DYNC1I1: variants seen among roughly 807,000 people sequenced by gnomAD.
DYNC1I1 encodes the protein dynein cytoplasmic 1 intermediate chain 1.
Under a neutral mutation model 86.6 loss-of-function variants are expected in DYNC1I1, and 43 were observed. The observed-to-expected ratio is 0.50, with a 90% CI of 0.39 to 0.64. DYNC1I1 has a LOEUF of 0.64. DYNC1I1 is among the 30% of genes least tolerant of loss of function. DYNC1I1 has a pLI of 0.00. For missense variants in DYNC1I1, 604 were observed against 788.8 expected, an observed-to-expected ratio of 0.77 and a Z score of 2.81; for synonymous variants, 262 against 283.7, an observed-to-expected ratio of 0.92 and a Z score of 0.77.
intron 5 of DYNC1I1, among the ~76,000 whole-genome samples, chr7:95,834,939 T>G (rs1200460476): frequency 1.3e-5 from 2 of 151,414 alleles, no homozygotes; most frequent in Non-Finnish European, 2.9e-5. Context: ...GATTCATTAA[T>G]TTTTTGAAGG....
chr7:95,864,776 T>G (rs1789975225), intron 5 of DYNC1I1, among the ~76,000 whole-genome samples: 1 of 152,168 alleles, frequency 6.6e-6, no homozygotes, highest in African/African-American at 2.4e-5. Flanking sequence ...TTCATAGAAC[T>G]TCATAATGAA....
At chr7:95,997,453 T>G (rs1793894080) in intron 10 of DYNC1I1, among the ~76,000 whole-genome samples, 1 of 152,156 alleles carries the variant, frequency 6.6e-6, no homozygotes, top group Non-Finnish European at 1.5e-5. Flanking sequence ...ATAATCAATA[T>G]GTATGATCTT....
chr7:96,040,183 G>A (rs926611854), intron 14 of DYNC1I1, among the ~76,000 whole-genome samples: 11 of 152,004 alleles, frequency 7.2e-5, no homozygotes, highest in Non-Finnish European at 1.3e-4. Context: ...GCAGTGAGCC[G>A]AGATTGGGCC....
Position 96,031,360 on chromosome 7 carries a change from G to A in DYNC1I1, c.1117-1307G>A, listed in dbSNP as rs60978587. ...GATTTGGCAGGGAGAGGAGTAACAG[G>A]GAACAACTATCTATAAATATTCAAA... On this transcript the variant is annotated intron_variant, in intron 11 of 16. Transcript: ENST00000447467. Among the ~76,000 whole-genome samples, 1,358 of 152,242 alleles carry A rather than the reference G, an allele frequency of 8.9e-3. 16 individuals are homozygous for A. Among genetic ancestry groups the A allele is most frequent in the African/African-American group, 0.031 (1,289 of 41,532 alleles).
At chr7:96,040,590 C>T (rs576462376) in intron 14 of DYNC1I1, among the ~76,000 whole-genome samples, 1 of 152,132 alleles carries the variant, frequency 6.6e-6, no homozygotes, top group African/African-American at 2.4e-5. Context: ...ATATGTTGAG[C>T]TAAAGGTGCC....
Position 96,028,049 on chromosome 7 carries a change from C to G in DYNC1I1, c.970-126C>G, listed in dbSNP as rs73399006. 551 of 1,359,520 alleles carry G rather than the reference C, an allele frequency of 4.1e-4. 2 individuals are homozygous for G. The African/African-American group carries it at 7.2e-3, about 18-fold the overall frequency. 84.2% of individuals were successfully genotyped at this position (1,359,520 alleles called of 1,614,324 possible). On this transcript the variant is annotated intron_variant, in intron 10 of 16. Transcript: ENST00000447467. Reference sequence around the variant, plus strand: ...TAACTATGCACTTTTACAGTCCCAGCTTTAAATTATTTTTTTGTTTTCCAG... The same window carrying G: ...TAACTATGCACTTTTACAGTCCCAGGTTTAAATTATTTTTTTGTTTTCCAG...
chr7:96,008,572 A>T (rs1365434965), intron 10 of DYNC1I1, among the ~76,000 whole-genome samples: 2 of 152,252 alleles, frequency 1.3e-5, no homozygotes, highest in African/African-American at 4.8e-5. Context: ...TTATTAAAAT[A>T]GTTTCCATAG....
At chr7:95,858,166 C>G (rs1789775677) in intron 5 of DYNC1I1, among the ~76,000 whole-genome samples, 1 of 152,308 alleles carries the variant, frequency 6.6e-6, no homozygotes, top group South Asian at 2.1e-4. Context: ...ACAGGCCTGA[C>G]TAGTGAGCAA....
intron 14 of DYNC1I1, among the ~76,000 whole-genome samples, chr7:96,070,251 G>A (rs1356710574): frequency 6.6e-6 from 1 of 152,030 alleles, no homozygotes; most frequent in African/African-American, 2.4e-5. Flanking sequence ...TTTTTGGTTT[G>A]GTTTGGTTTG....
At chr7:96,025,408 A>G (rs1485306689) in intron 10 of DYNC1I1, among the ~76,000 whole-genome samples, 2 of 152,066 alleles carry the variant, frequency 1.3e-5, no homozygotes, top group Non-Finnish European at 2.9e-5. Context: ...ACATAACTAT[A>G]CCTCATCTTC....
At chr7:95,815,257 A>G (rs1794921689) in intron 4 of DYNC1I1, among the ~76,000 whole-genome samples, 1 of 152,140 alleles carries the variant, frequency 6.6e-6, no homozygotes, top group African/African-American at 2.4e-5. Flanking sequence ...TAACTTTATG[A>G]ATCACTTTGG....
intron 1 of DYNC1I1, among the ~76,000 whole-genome samples, chr7:95,788,107 G>T (rs916219152): frequency 5.3e-5 from 8 of 152,218 alleles, no homozygotes; most frequent in African/African-American, 1.7e-4. Flanking sequence ...TCTGAAATGG[G>T]AGCCATTGGA....
Position 95,984,787 on chromosome 7 carries a change from T to C in DYNC1I1, c.581-28T>C, listed in dbSNP as rs759040749. On this transcript the variant is annotated intron_variant, in intron 7 of 16. Transcript: ENST00000447467. ...TGTCACTTTTTCTTCCCTAACAATC[T>C]CTTTTACAAAAAAATAAATAAATAA... The C allele has an allele frequency of 1.9e-6, 3 of 1,552,702 alleles. No individual in the cohort carries two copies. In the South Asian group the frequency reaches 3.7e-5, roughly 19 times the overall value.
At position 96,039,403 on chromosome 7, in the gene DYNC1I1, C is replaced by T. The variant is rs1788968661; in HGVS notation, c.1491C>T (p.Val497=). The part of the protein sequence containing the change: ...LFVTSSFDWT[V]KLWTTKHNKP... ...TCACATCATCATTTGACTGGACTGTCAAACTGTGGACCACCAAGGTAAGAA... is the reference window on the plus strand; with the variant it reads ...TCACATCATCATTTGACTGGACTGTTAAACTGTGGACCACCAAGGTAAGAA... Residue 497 remains valine, a synonymous_variant, in exon 14 of 17, where the codon GTC becomes GTT. Transcript: ENST00000447467. 1.2e-6 allele frequency: 2 copies of T among 1,613,918 alleles called. No individual in the cohort carries two copies. The highest frequency in any genetic ancestry group is 1.7e-6 in the Non-Finnish European group (2 of 1,179,968).
chr7:95,854,489 T>G (rs759959031), intron 5 of DYNC1I1, among the ~76,000 whole-genome samples: 13 of 152,168 alleles, frequency 8.5e-5, no homozygotes, highest in Non-Finnish European at 1.5e-4. Context: ...ATATTGCATA[T>G]CCCTTAACAA....
At chr7:95,921,227 A>T (rs1278467691) in intron 6 of DYNC1I1, among the ~76,000 whole-genome samples, 1 of 152,216 alleles carries the variant, frequency 6.6e-6, no homozygotes, top group Non-Finnish European at 1.5e-5. Flanking sequence ...AACTGTTCAT[A>T]AGATGTGTAA....
chr7:96,063,719 C>T (rs1200439509), intron 14 of DYNC1I1, among the ~76,000 whole-genome samples: 11 of 152,216 alleles, frequency 7.2e-5, no homozygotes, highest in African/African-American at 2.4e-5. Context: ...ACAACAGTCT[C>T]ATATTCCAAG....
chr7:95,853,909 T>C (rs1789647173), intron 5 of DYNC1I1, among the ~76,000 whole-genome samples: 1 of 152,198 alleles, frequency 6.6e-6, no homozygotes, highest in South Asian at 2.1e-4. Flanking sequence ...ATGACCTTCT[T>C]TGTCTCTTTT....
chr7:95,794,108 G>A (rs969515095), intron 1 of DYNC1I1, among the ~76,000 whole-genome samples: 3 of 152,154 alleles, frequency 2.0e-5, no homozygotes, highest in African/African-American at 7.2e-5. Flanking sequence ...TTGACCTAAG[G>A]TTGTGTGTTT....
Sources: allele counts gnomAD v4.1 joint callset (sites outside exome capture counted in the v4.1 genomes callset), GRCh38; gene constraint gnomAD v4.1.1; transcripts MANE v1.5; gene names NCBI Gene and HGNC (gene_info 2026-07-23, HGNC 2026-07-21).